Variants in ASIC2 observed in about 807,000 individuals in gnomAD.
The protein encoded by ASIC2 is acid sensing ion channel subunit 2.
ASIC2 carries 25 observed loss-of-function variants against 57.3 expected under a neutral mutation model. That is an observed-to-expected ratio of 0.44 (90% CI 0.32 to 0.61). ASIC2 has a LOEUF of 0.61. Among genes scored for constraint, ASIC2 ranks in the 20% least tolerant of loss-of-function variants. The probability of loss-of-function intolerance (pLI) is 0.06; values close to 1 mark genes in which losing one functional copy is unlikely to be tolerated. For missense variants in ASIC2, 641 were observed against 738.1 expected, an observed-to-expected ratio of 0.87 and a Z score of 1.52; for synonymous variants, 319 against 307.5, an observed-to-expected ratio of 1.04 and a Z score of -0.39.
chr17:34,108,080 GCTT>G (rs1911125821), intron 1 of ASIC2, among the ~76,000 whole-genome samples: 1 of 151,656 alleles, frequency 6.6e-6, no homozygotes. Context: ...TTTGTATCTC[GCTT>G]TTTTTTACTT....
chr17:33,022,467 C>T (rs988739176), intron 6 of ASIC2, among the ~76,000 whole-genome samples: 8 of 152,284 alleles, frequency 5.3e-5, no homozygotes, highest in African/African-American at 1.9e-4. Flanking sequence ...TGTCACTCAC[C>T]TCTGAAAGCT....
At chr17:33,550,010 T>C (rs978421807) in intron 1 of ASIC2, among the ~76,000 whole-genome samples, 3 of 152,224 alleles carry the variant, frequency 2.0e-5, no homozygotes, top group African/African-American at 4.8e-5. Flanking sequence ...TCTTTGGCTC[T>C]GTGTTTCTGG....
rs1003793382 is a variant in ASIC2, at chr17:33,629,575, G to T, written c.556-517508C>A. ...AGGGAGGTGATTGGCTCTTGATTTG[G>T]TGAGTCCCAGGTTACATGGAGGAAG... On this transcript the variant is annotated intron_variant, in intron 1 of 9. Coordinates refer to the ASIC2 transcript ENST00000359872. Among the ~76,000 whole-genome samples the T allele has an allele frequency of 6.6e-5, 10 of 152,302 alleles. No individual in the cohort carries two copies. In the East Asian group the frequency reaches 1.9e-3, roughly 29 times the overall value.
At chr17:33,399,778 C>T (rs537087837) in intron 1 of ASIC2, among the ~76,000 whole-genome samples, 64 of 152,218 alleles carry the variant, frequency 4.2e-4, no homozygotes, top group African/African-American at 1.4e-3. Context: ...CTAAAAGGAG[C>T]GTGTGTGTGT....
At chr17:34,078,443 ACT>A (rs1458791760) in intron 1 of ASIC2, among the ~76,000 whole-genome samples, 3 of 151,524 alleles carry the variant, frequency 2.0e-5, no homozygotes, top group Non-Finnish European at 4.4e-5. Context: ...GACTCTACCC[ACT>A]CTCTACTGCC....
At chr17:33,377,312 A>G (rs1909316029) in intron 1 of ASIC2, among the ~76,000 whole-genome samples, 1 of 152,220 alleles carries the variant, frequency 6.6e-6, no homozygotes. Flanking sequence ...CAGCCTCCCA[A>G]AGTGCTGCAA....
At chr17:33,543,109 G>A (rs1915470476) in intron 1 of ASIC2, among the ~76,000 whole-genome samples, 1 of 139,882 alleles carries the variant, frequency 7.1e-6, no homozygotes, top group African/African-American at 2.8e-5. Context: ...ACACAGGAAG[G>A]GGAATATCAC....
chr17:33,871,250 G>A (rs1914397448), intron 1 of ASIC2, among the ~76,000 whole-genome samples: 1 of 152,234 alleles, frequency 6.6e-6, no homozygotes, highest in Admixed American at 6.5e-5. Flanking sequence ...GGACATCACA[G>A]GGCGGAGGGA....
At chr17:33,096,419 TGCATGAA>T (rs1352137387) in intron 2 of ASIC2, among the ~76,000 whole-genome samples, 3 of 152,256 alleles carry the variant, frequency 2.0e-5, no homozygotes, top group African/African-American at 7.2e-5. Flanking sequence ...ACTTAGCATG[TGCATGAA>T]GCACATCTTC....
chr17:33,891,865 C>T (rs113555547), intron 1 of ASIC2, among the ~76,000 whole-genome samples: 63 of 152,208 alleles, frequency 4.1e-4, no homozygotes, highest in Non-Finnish European at 7.8e-4. Flanking sequence ...CAACTTCTTT[C>T]TTAGGCACTT....
intron 1 of ASIC2, among the ~76,000 whole-genome samples, chr17:33,457,861 A>G (rs185786081): frequency 2.0e-5 from 3 of 152,362 alleles, no homozygotes; most frequent in Admixed American, 1.3e-4. Context: ...GCTCAATGCC[A>G]CATAATTCCT....
intron 1 of ASIC2, among the ~76,000 whole-genome samples, chr17:34,084,779 T>A (rs1032365827): frequency 1.1e-4 from 16 of 152,222 alleles, no homozygotes; most frequent in African/African-American, 3.9e-4. Context: ...GGTGGATTCC[T>A]AGGTATTTTA....
At chr17:33,631,799 C>T (rs1906180809) in intron 1 of ASIC2, among the ~76,000 whole-genome samples, 1 of 152,102 alleles carries the variant, frequency 6.6e-6, no homozygotes, top group Admixed American at 6.5e-5. Context: ...TGGGAGGGCC[C>T]TTTGTTATAT....
chr17:33,837,103 T>C (rs192159980), intron 1 of ASIC2, among the ~76,000 whole-genome samples: 1 of 152,262 alleles, frequency 6.6e-6, no homozygotes, highest in East Asian at 1.9e-4. Context: ...TGGCTTAGTG[T>C]GGATTTTCTG....
At chr17:33,307,350 A>G (rs1906227007) in intron 1 of ASIC2, among the ~76,000 whole-genome samples, 1 of 150,020 alleles carries the variant, frequency 6.7e-6, no homozygotes, top group Non-Finnish European at 1.5e-5. Context: ...TCTGTTGCCT[A>G]GGCTGGAGTG....
intron 1 of ASIC2, among the ~76,000 whole-genome samples, chr17:33,211,717 T>C (rs891051173): frequency 1.3e-5 from 2 of 152,194 alleles, no homozygotes; most frequent in Admixed American, 6.5e-5. Context: ...CTAATCCAGA[T>C]GGACCTGGTG....
rs554998682 is a variant in ASIC2 at position 33,191,172 on chromosome 17, C to T, written c.709-79105G>A. ...AAAAGGAATAAACAACTGACACATA[C>T]AACAACATGGAGAGGTCTAAAAATC... On this transcript the variant is annotated intron_variant, in intron 1 of 9. Coordinates refer to ENST00000225823, the MANE Select transcript of ASIC2 (RefSeq NM_183377.2). Among the ~76,000 whole-genome samples the T allele has an allele frequency of 2.0e-5, 3 of 152,204 alleles. No homozygotes were observed. The South Asian group carries it at 6.2e-4, about 32-fold the overall frequency.
chr17:34,096,849 T>C, intron 1 of ASIC2, among the ~76,000 whole-genome samples: 1 of 78,988 alleles, frequency 1.3e-5, no homozygotes, highest in African/African-American at 5.4e-5. Flanking sequence ...AGGGTGAGAC[T>C]CCATCTCAAA....
chr17:33,218,255 G>A (rs955308714), intron 1 of ASIC2, among the ~76,000 whole-genome samples: 1 of 152,166 alleles, frequency 6.6e-6, no homozygotes. Flanking sequence ...GCCTGGGTGG[G>A]GCTTCTGATG....
Sources: gnomAD v4.1 joint callset for allele counts (sites outside exome capture counted in the v4.1 genomes callset) on GRCh38, gnomAD v4.1.1 for gene constraint, MANE v1.5 for transcripts, NCBI Gene and HGNC (gene_info 2026-07-23, HGNC 2026-07-21) for gene names.